Variants in RORB observed in about 807,000 individuals in gnomAD.
RORB encodes RAR related orphan receptor B.
A neutral mutation model predicts 59.1 loss-of-function variants in RORB; 6 were observed. That is an observed-to-expected ratio of 0.10 (90% confidence interval 0.06 to 0.20). The LOEUF (loss-of-function observed/expected upper bound fraction) is 0.20. Among genes scored for constraint, RORB ranks in the 10% least tolerant of loss-of-function variants. The probability of loss-of-function intolerance (pLI) is 1.00; values close to 1 mark genes in which losing one functional copy is unlikely to be tolerated. For missense variants in RORB, 320 were observed against 560.5 expected (o/e 0.57, Z 4.33); for synonymous variants, 215 against 204.5 (o/e 1.05, Z -0.44).
intron 1 of RORB, among the ~76,000 whole-genome samples, chr9:74,561,500 A>G (rs1279119042): frequency 1.3e-5 from 2 of 152,178 alleles, no homozygotes; most frequent in African/African-American, 4.8e-5. Flanking sequence ...TTAATGTGCC[A>G]TGTTCATCCA....
At chr9:74,618,436 A>G (rs1201312373) in intron 1 of RORB, among the ~76,000 whole-genome samples, 3 of 152,170 alleles carry the variant, frequency 2.0e-5, no homozygotes, top group Non-Finnish European at 4.4e-5. Context: ...ATATGATGTC[A>G]CTTTTATTTT....
intron 9 of RORB, among the ~76,000 whole-genome samples, chr9:74,682,830 G>C (rs57214601): frequency 0.058 from 8,881 of 152,260 alleles, 480 homozygotes; most frequent in East Asian, 0.29. Flanking sequence ...GGCTTCAAGC[G>C]ATCCTCTTGC....
At chr9:74,518,966 G>A (rs1826048021) in intron 1 of RORB, among the ~76,000 whole-genome samples, 1 of 151,890 alleles carries the variant, frequency 6.6e-6, no homozygotes, top group Non-Finnish European at 1.5e-5. Context: ...ATATTCATTA[G>A]AACTATAGTA....
intron 1 of RORB, among the ~76,000 whole-genome samples, chr9:74,535,894 T>C (rs1826315606): frequency 6.6e-6 from 1 of 151,976 alleles, no homozygotes; most frequent in Non-Finnish European, 1.5e-5. Flanking sequence ...TAAAATGGCA[T>C]AGGATTTTAG....
intron 4 of RORB, among the ~76,000 whole-genome samples, chr9:74,656,564 C>T (rs962211952): frequency 2.0e-5 from 3 of 152,070 alleles, no homozygotes; most frequent in South Asian, 2.1e-4. Flanking sequence ...GAAGAAACCC[C>T]GTCTCTACTG....
At chr9:74,514,865 T>C (rs1825986307) in intron 1 of RORB, among the ~76,000 whole-genome samples, 1 of 151,548 alleles carries the variant, frequency 6.6e-6, no homozygotes, top group African/African-American at 2.4e-5. Flanking sequence ...TTCAATACAG[T>C]TATTTCAATA....
chr9:74,573,435 C>T (rs1036431179), intron 1 of RORB, among the ~76,000 whole-genome samples: 1 of 145,310 alleles, frequency 6.9e-6, no homozygotes, highest in Non-Finnish European at 1.5e-5. Flanking sequence ...GATGTGACAA[C>T]CTTCAACCAA....
chr9:74,497,928 G>C lies in RORB; in HGVS notation c.-49G>C, dbSNP rs372904332. 6.8e-6 allele frequency: 11 copies of C among 1,607,454 alleles called. No homozygotes were observed. The highest frequency in any genetic ancestry group is 4.0e-5 in the African/African-American group (3 of 74,938). On this transcript the variant is annotated 5_prime_UTR_variant, in exon 1 of 10. Coordinates refer to ENST00000376896, the MANE Select transcript of RORB (RefSeq NM_006914.4). ...GGGATTTTTGGGCTCTCCGGGGTTC[G>C]GGCTGGGAGCAGCTTCATGACTACG...
At chr9:74,649,925 C>T (rs990040815) in intron 4 of RORB, among the ~76,000 whole-genome samples, 2 of 152,126 alleles carry the variant, frequency 1.3e-5, no homozygotes, top group Admixed American at 1.3e-4. Flanking sequence ...TTATCTTCCT[C>T]AGTGTATTTC....
intron 1 of RORB, among the ~76,000 whole-genome samples, chr9:74,534,485 A>G (rs1338681606): frequency 1.3e-5 from 2 of 151,994 alleles, no homozygotes; most frequent in African/African-American, 2.4e-5. Context: ...TAATATTTTC[A>G]TAGAACATCA....
In RORB at chr9:74,665,613, G is replaced by A. The variant is rs757720058; in HGVS notation, c.1000+18G>A. The A allele has an allele frequency of 4.7e-6, 7 of 1,486,792 alleles. No homozygotes were observed. Among genetic ancestry groups the A allele is most frequent in the South Asian group, 1.1e-5 (1 of 87,458 alleles). The allele number at this position is 1,486,792 out of a possible 1,614,324, so 92.1% of individuals were successfully genotyped here. ...AGCCTTAGGTAAGTTTCCCTTTGAT[G>A]AGGACACAATTTTATTAGCCACCAT... is the stretch of plus-strand genomic sequence containing the variant. On this transcript the variant is annotated intron_variant, in intron 7 of 9. Coordinates refer to ENST00000376896, the MANE Select transcript of RORB (RefSeq NM_006914.4).
At chr9:74,615,294 A>G (rs1823293786) in intron 1 of RORB, among the ~76,000 whole-genome samples, 1 of 152,230 alleles carries the variant, frequency 6.6e-6, no homozygotes, top group Non-Finnish European at 1.5e-5. Context: ...ATATGTATCT[A>G]TATAATTTGG....
At chr9:74,604,382 C>T (rs185826319) in intron 1 of RORB, among the ~76,000 whole-genome samples, 1 of 152,284 alleles carries the variant, frequency 6.6e-6, no homozygotes, top group East Asian at 1.9e-4. Context: ...CCATCAACTG[C>T]CTTTAGCAAA....
At chr9:74,542,032 G>T (rs1191681313) in intron 1 of RORB, among the ~76,000 whole-genome samples, 1 of 151,950 alleles carries the variant, frequency 6.6e-6, no homozygotes, top group Non-Finnish European at 1.5e-5. Flanking sequence ...TCAAATAAAT[G>T]GTAGTACCCT....
At chr9:74,634,397 A>C (rs1823668587) in intron 2 of RORB, among the ~76,000 whole-genome samples, 1 of 152,230 alleles carries the variant, frequency 6.6e-6, no homozygotes, top group Non-Finnish European at 1.5e-5. Context: ...CATTGATTCA[A>C]GGAATGAATG....
In RORB at chr9:74,642,835, C is replaced by T. The variant is rs757633447; in HGVS notation, c.637+20C>T. On this transcript the variant is annotated intron_variant, in intron 4 of 9. Coordinates refer to ENST00000376896, the MANE Select transcript of RORB (RefSeq NM_006914.4). Reference sequence around the variant, plus strand: ...AAATCGGTAAGTGGAAGTCTCCTCCCAGTGGCTTTTTTTGAGATTTTGCTT... The same window carrying T: ...AAATCGGTAAGTGGAAGTCTCCTCCTAGTGGCTTTTTTTGAGATTTTGCTT... The T allele has an allele frequency of 9.1e-6, 14 of 1,542,194 alleles. No individual in the cohort carries two copies. The highest frequency in any genetic ancestry group is 9.6e-6 in the Non-Finnish European group (11 of 1,142,980).
intron 4 of RORB, among the ~76,000 whole-genome samples, chr9:74,649,086 C>G (rs1823949524): frequency 6.6e-6 from 1 of 151,836 alleles, no homozygotes; most frequent in South Asian, 2.1e-4. Flanking sequence ...GCCTCAGCAT[C>G]TCAAGTAGCT....
chr9:74,608,051 A>G (rs1823176431), intron 1 of RORB, among the ~76,000 whole-genome samples: 1 of 152,134 alleles, frequency 6.6e-6, no homozygotes, highest in Admixed American at 6.5e-5. Flanking sequence ...TTCCTGCACA[A>G]TGAGCTTATG....
intron 8 of RORB, among the ~76,000 whole-genome samples, chr9:74,671,328 A>G (rs1478425816): frequency 2.6e-5 from 4 of 152,228 alleles, no homozygotes; most frequent in African/African-American, 4.8e-5. Context: ...TGTTTATGCT[A>G]TATAAATTCT....
Sources: gnomAD v4.1 joint callset for allele counts (sites outside exome capture counted in the v4.1 genomes callset) on GRCh38, gnomAD v4.1.1 for gene constraint, MANE v1.5 for transcripts, NCBI Gene and HGNC (gene_info 2026-07-23, HGNC 2026-07-21) for gene names.